Variants in GGPS1 observed in about 807,000 individuals in gnomAD.
GGPS1 encodes geranylgeranyl diphosphate synthase 1, also known as geranylgeranyl pyrophosphate synthase.
A neutral mutation model predicts 28.1 loss-of-function variants in GGPS1; 15 were observed. That is an observed-to-expected ratio of 0.53 (90% CI 0.36 to 0.82). GGPS1 has a LOEUF of 0.82. Ranked by LOEUF, GGPS1 falls within the 40% of genes least tolerant of loss-of-function variation. The pLI is 0.01. For synonymous variants in GGPS1, 138 were observed against 122.4 expected (o/e 1.13, Z -0.84); for missense variants, 284 against 348.3 (o/e 0.82, Z 1.47).
In GGPS1 at chr1:235,342,183, C is replaced by T; in HGVS notation, c.314C>T (p.Thr105Ile). The T allele has an allele frequency of 6.2e-7, 1 of 1,613,990 alleles. No homozygotes were observed. Among genetic ancestry groups the T allele is most frequent in the Non-Finnish European group, 8.5e-7 (1 of 1,179,922 alleles). ...TTCCTTGGCTTGGAGAAAGTCTTAA[C>T]CCTTGATCACCCAGATGCAGTGAAG... is the stretch of plus-strand genomic sequence containing the variant. ...VYFLGLEKVL[T>I]LDHPDAVKLF... Residue 105 changes from threonine (T) to isoleucine (I), a missense_variant, in exon 4 of 4, where the codon ACC becomes ATC. Thr to Ile is a moderately conservative substitution (Grantham distance 89). Transcript: ENST00000282841.
At chr1:235,338,638 G>A (rs1341183662) in intron 2 of GGPS1, among the ~76,000 whole-genome samples, 3 of 152,156 alleles carry the variant, frequency 2.0e-5, no homozygotes, top group African/African-American at 7.2e-5. Flanking sequence ...GGGAGGCCAA[G>A]TGGGACAGAT....
chr1:235,335,269 A>T lies in GGPS1; in HGVS notation c.5A>T (p.Glu2Val). The T allele has an allele frequency of 6.6e-7, 1 of 1,506,664 alleles. No individual in the cohort carries two copies. The highest frequency in any genetic ancestry group is 9.2e-7 in the Non-Finnish European group (1 of 1,086,222). 93.3% of individuals were successfully genotyped at this position (1,506,664 alleles called of 1,614,324 possible). ...TAGCTTTGAAGTTTAAATCCAATGG[A>T]GAAGACTCAAGAAACAGTCCAAAGA... MEKTQETVQRIL... is the reference protein window; with the variant it reads MVKTQETVQRIL... The change falls in exon 2 of 4, where the codon GAG becomes GTG. Residue 2 changes from glutamate (E) to valine (V), a missense_variant. Glu to Val is a moderately radical substitution (Grantham distance 121). Coordinates refer to ENST00000282841, the MANE Select transcript of GGPS1 (RefSeq NM_004837.4).
chr1:235,339,491 CAAAA>C (rs746222339), intron 2 of GGPS1, among the ~76,000 whole-genome samples: 4 of 151,318 alleles, frequency 2.6e-5, no homozygotes, highest in African/African-American at 4.9e-5. Context: ...AACAAACAAA[CAAAA>C]AAACCCATAA....
In GGPS1 at chr1:235,343,033, A is replaced by G. The variant is rs1030195201; in HGVS notation, c.*261A>G. ...ATTGCAGTGACAGGACATTGCCACC[A>G]ACTCTATCCTACTACCATCAATGTT... On this transcript the variant is annotated 3_prime_UTR_variant, in exon 4 of 4. Coordinates refer to ENST00000282841, the MANE Select transcript of GGPS1 (RefSeq NM_004837.4). 1 of 300,880 alleles carries G rather than the reference A, an allele frequency of 3.3e-6. No homozygotes were observed. The highest frequency in any genetic ancestry group is 2.2e-5 in the African/African-American group (1 of 45,664). The allele number at this position is 300,880 out of a possible 1,614,324, so 18.6% of individuals were successfully genotyped here.
At chr1:235,329,633 TA>T (rs142506535) in intron 1 of GGPS1, 17,322 of 152,322 alleles carry the variant, frequency 0.11, 1,271 homozygotes, top group Non-Finnish European at 0.17. Context: ...GCTTTTCCAA[TA>T]TGAAGAACTG....
chr1:235,342,853 A>T lies in GGPS1; in HGVS notation c.*81A>T, dbSNP rs1676095545. ...TCTTTTAGCCTTACCACCTTTTAAA[A>T]AATTTGTTATTCTCCAGAAACAGTA... On this transcript the variant is annotated 3_prime_UTR_variant, in exon 4 of 4. Transcript: ENST00000282841. 5.1e-6 allele frequency: 5 copies of T among 974,522 alleles called. No individual in the cohort carries two copies. Among genetic ancestry groups the T allele is most frequent in the Non-Finnish European group, 7.6e-6 (5 of 656,528 alleles). The allele number at this position is 974,522 out of a possible 1,614,324, so 60.4% of individuals were successfully genotyped here.
At chr1:235,338,315 G>A (rs1053467734) in intron 2 of GGPS1, among the ~76,000 whole-genome samples, 2 of 151,744 alleles carry the variant, frequency 1.3e-5, no homozygotes, top group Non-Finnish European at 2.9e-5. Flanking sequence ...CTGGGAGGTT[G>A]AGGCTGCAGT....
At chr1:235,330,541 T>C (rs1675680583) in intron 1 of GGPS1, 1 of 152,200 alleles carries the variant, frequency 6.6e-6, no homozygotes, top group South Asian at 2.1e-4. Flanking sequence ...GAAGTTCTTA[T>C]GTTTTCATAC....
chr1:235,331,146 ATTCT>A (rs1431210240), intron 1 of GGPS1, among the ~76,000 whole-genome samples: 14 of 152,130 alleles, frequency 9.2e-5, no homozygotes, highest in Admixed American at 9.2e-4. Context: ...CGCTTACTTG[ATTCT>A]TTATGAGCCT....
chr1:235,327,515 C>T (rs1277579744), upstream of GGPS1: 1 of 152,230 alleles, frequency 6.6e-6, no homozygotes, highest in African/African-American at 2.4e-5. Flanking sequence ...GCCGAGGGCC[C>T]CGGAGGCGGA....
In GGPS1 at chr1:235,342,686, A is replaced by G. The variant is rs557138102; in HGVS notation, c.817A>G (p.Lys273Glu). The G allele has an allele frequency of 1.9e-4, 304 of 1,609,724 alleles. 2 individuals carry two copies. The South Asian group carries it at 2.0e-3, about 11-fold the overall frequency. The change falls in exon 4 of 4, where the codon AAA becomes GAA. Residue 273 changes from lysine (K) to glutamate (E), a missense_variant. Transcript: ENST00000282841. ...TAAAGAGCTTGAAGCTAAAGCCTAT[A>G]AACAGATTGATGCACGTGGTGGGAA... is the stretch of plus-strand genomic sequence containing the variant. The part of the protein sequence containing the change: ...TLKELEAKAY[K>E]QIDARGGNPE...
chr1:235,333,163 A>G (rs1675769846), intron 1 of GGPS1, among the ~76,000 whole-genome samples: 1 of 151,668 alleles, frequency 6.6e-6, no homozygotes, highest in African/African-American at 2.4e-5. Flanking sequence ...GTGTGATACC[A>G]TGTAAGCAAC....
chr1:235,329,768 C>G (rs1558323482), intron 1 of GGPS1: 1 of 152,012 alleles, frequency 6.6e-6, no homozygotes, highest in Non-Finnish European at 1.5e-5. Flanking sequence ...AGAGATGGCT[C>G]CGATTGGAAT....
upstream of GGPS1, chr1:235,327,302 G>A (rs1229046050): frequency 6.4e-6 from 1 of 157,416 alleles, no homozygotes; most frequent in Non-Finnish European, 1.4e-5. Flanking sequence ...TAGGGCCTCG[G>A]CGCCCGGCCG....
rs893420663 is a variant in GGPS1 at position 235,344,417 on chromosome 1, T to C, written c.*1645T>C. ...AGGAAACCTGTTAAAATCATGGCTA[T>C]TGATGTTATAGTATGGAAAGTTGAA... On this transcript the variant is annotated 3_prime_UTR_variant, in exon 4 of 4. Coordinates refer to ENST00000282841, the MANE Select transcript of GGPS1 (RefSeq NM_004837.4). 1.8e-5 allele frequency: 3 copies of C among 167,058 alleles called. No individual in the cohort carries two copies. The highest frequency in any genetic ancestry group is 7.2e-5 in the African/African-American group (3 of 41,456). 10.3% of individuals were successfully genotyped at this position (167,058 alleles called of 1,614,324 possible).
At chr1:235,327,969 G>C (rs973235406), upstream of GGPS1, 1 of 152,620 alleles carries the variant, frequency 6.6e-6, no homozygotes, top group East Asian at 1.9e-4. Flanking sequence ...TCCCTGGTTG[G>C]GGGGAGGGGG....
At position 235,342,869 on chromosome 1, in the gene GGPS1, A is replaced by G. The variant is rs6684822; in HGVS notation, c.*97A>G. Reference sequence around the variant, plus strand: ...CCTTTTAAAAAATTTGTTATTCTCCAGAAACAGTAAATAGGTGAGTAGGGG... The same window carrying G: ...CCTTTTAAAAAATTTGTTATTCTCCGGAAACAGTAAATAGGTGAGTAGGGG... On this transcript the variant is annotated 3_prime_UTR_variant, in exon 4 of 4. Transcript: ENST00000282841. 0.013 allele frequency: 10,082 copies of G among 794,550 alleles called. 289 individuals are homozygous for G. The highest frequency in any genetic ancestry group is 0.095 in the African/African-American group (5,474 of 57,540). 49.2% of individuals were successfully genotyped at this position (794,550 alleles called of 1,614,324 possible).
chr1:235,333,137 C>G (rs749125475), intron 1 of GGPS1, among the ~76,000 whole-genome samples: 1 of 151,784 alleles, frequency 6.6e-6, no homozygotes, highest in East Asian at 1.9e-4. Flanking sequence ...GCCCACACCC[C>G]CTTAGTTGTG....
intron 1 of GGPS1, chr1:235,330,445 A>G (rs1354861213): frequency 6.6e-6 from 1 of 152,184 alleles, no homozygotes; most frequent in East Asian, 1.9e-4. Context: ...AGATCACGCC[A>G]CTGCACTCCA....
Sources: gnomAD v4.1 joint callset for allele counts (sites outside exome capture counted in the v4.1 genomes callset) on GRCh38, gnomAD v4.1.1 for gene constraint, MANE v1.5 for transcripts, NCBI Gene and HGNC (gene_info 2026-07-23, HGNC 2026-07-21) for gene names.